The following AP5Z1 variants were observed in gnomAD, a reference collection of about 807,000 sequenced individuals.
AP5Z1 encodes the protein adaptor related protein complex 5 subunit zeta 1, also known as AP-5 complex subunit zeta-1.
AP5Z1 carries 106 observed loss-of-function variants against 83.0 expected under a neutral mutation model. The observed-to-expected ratio is 1.28, with a 90% CI of 1.09 to 1.50. The LOEUF is 1.50. Among genes scored for constraint, AP5Z1 ranks in the 40% most tolerant of loss-of-function variants. The pLI is 0.00. For synonymous variants in AP5Z1, 751 were observed against 514.1 expected, an observed-to-expected ratio of 1.46 and a Z score of -6.23; for missense variants, 1,565 against 1,094.2, an observed-to-expected ratio of 1.43 and a Z score of -6.07.
At chr7:4,777,968 G>A (rs553821216) in intron 1 of AP5Z1, among the ~76,000 whole-genome samples, 3 of 152,346 alleles carry the variant, frequency 2.0e-5, no homozygotes, top group South Asian at 4.1e-4. Context: ...CCTGTAATCC[G>A]AACACTTCGG....
Position 4,788,269 on chromosome 7 carries a change from C to CCCAAGG in AP5Z1, c.1574_1579dup (p.Lys525_Ala526dup). ...GGGTCTTTTCCAATACCTGCTGCGC[C>CCCAAGG]CCAAGGCCAGTGGCGCCACTGAGAG... On this transcript the variant is annotated inframe_insertion, in exon 12 of 17. Coordinates refer to ENST00000649063, the MANE Select transcript of AP5Z1 (RefSeq NM_014855.3). 6.3e-7 allele frequency: 1 copy of CCCAAGG among 1,591,954 alleles called. No individual in the cohort carries two copies. Among genetic ancestry groups the CCCAAGG allele is most frequent in the Non-Finnish European group, 8.5e-7 (1 of 1,170,752 alleles).
chr7:4,785,675 C>T lies in AP5Z1; in HGVS notation c.1123C>T (p.Leu375=), dbSNP rs772036224. ...RVLLPLAHFF[L]SHGEAAAVDS... is the part of the protein sequence containing the mutation. ...GCTGCTGCCCCTCGCCCACTTCTTC[C>T]TGAGCCACGGTGAGCCCAGGGTGGG... The change falls in exon 9 of 17, where the codon CTG becomes TTG. Residue 375 remains leucine (L), a synonymous_variant. Coordinates refer to ENST00000649063, the MANE Select transcript of AP5Z1 (RefSeq NM_014855.3). The T allele has an allele frequency of 2.0e-6, 3 of 1,536,412 alleles. No individual in the cohort carries two copies. In the African/African-American group the frequency reaches 4.1e-5, roughly 21 times the overall value.
chr7:4,788,257 T>C lies in AP5Z1; in HGVS notation c.1558T>C (p.Tyr520His). ...CCCGCAGTTCCAGGGTCTTTTCCAA[T>C]ACCTGCTGCGCCCCAAGGCCAGTGG... is the stretch of plus-strand genomic sequence containing the variant. Reference protein sequence around the residue: ...RDPQFQGLFQYLLRPKASGAT... With the variant: ...RDPQFQGLFQHLLRPKASGAT... The change falls in exon 12 of 17, where the codon TAC (tyrosine) becomes CAC (histidine). Residue 520 changes from tyrosine (Y) to histidine (H), a missense_variant. By Grantham distance (83) the Tyr-to-His change is moderately conservative. Transcript: ENST00000649063. 1 of 1,589,308 alleles carries C rather than the reference T, an allele frequency of 6.3e-7. No individual in the cohort carries two copies. Among genetic ancestry groups the C allele is most frequent in the South Asian group, 1.1e-5 (1 of 87,368 alleles).
At chr7:4,781,875 C>A in intron 3 of AP5Z1, 121 bp downstream of exon 3, 2 of 1,196,826 alleles carry the variant, frequency 1.7e-6, no homozygotes, top group Non-Finnish European at 2.2e-6. Flanking sequence ...CATCTCGGTG[C>A]TGAGTGCCTG....
chr7:4,785,671 C>G lies in AP5Z1; in HGVS notation c.1119C>G (p.Phe373Leu), dbSNP rs886062353. Residue 373 changes from phenylalanine (F) to leucine (L), a missense_variant, in exon 9 of 17, where the codon TTC becomes TTG. Phe to Leu is a conservative substitution (Grantham distance 22). Transcript: ENST00000649063. ...SVRVLLPLAH[F>L]FLSHGEAAAV... is the part of the protein sequence containing the mutation. ...GGGTGCTGCTGCCCCTCGCCCACTT[C>G]TTCCTGAGCCACGGTGAGCCCAGGG... The G allele has an allele frequency of 6.5e-7, 1 of 1,538,274 alleles. No homozygotes were observed. Among genetic ancestry groups the G allele is most frequent in the Non-Finnish European group, 8.8e-7 (1 of 1,141,684 alleles).
intron 1 of AP5Z1, 37 bp downstream of exon 1, chr7:4,775,793 A>T (rs1411104447): frequency 6.3e-7 from 1 of 1,597,458 alleles, no homozygotes; most frequent in Admixed American, 1.7e-5. Flanking sequence ...TCCTTCCTGC[A>T]TCTCTCCCTA....
At chr7:4,790,274 G>C (rs1363529760) in intron 14 of AP5Z1, 185 bp from the exon 15 acceptor site, 1 of 1,543,922 alleles carries the variant, frequency 6.5e-7, no homozygotes, top group Non-Finnish European at 8.7e-7. Flanking sequence ...GCCAGCGCTG[G>C]TGCCAGCCTT....
At chr7:4,785,394 G>A (rs1414606759) in intron 7 of AP5Z1, 21 bp from the exon 8 acceptor site, 1 of 1,612,270 alleles carries the variant, frequency 6.2e-7, no homozygotes, top group East Asian at 2.2e-5. Flanking sequence ...AGAGCCGGCT[G>A]ACTTTTTCCC....
chr7:4,787,857 A>G (rs537920725), intron 11 of AP5Z1, 81 bp downstream of exon 11: 1 of 1,440,574 alleles, frequency 6.9e-7, no homozygotes, highest in Non-Finnish European at 9.2e-7. Context: ...GCTGCTCCTG[A>G]CCCCTACACC....
intron 9 of AP5Z1, among the ~76,000 whole-genome samples, 190 bp from the exon 10 acceptor site, chr7:4,786,060 T>TGACTC (rs1781533556): frequency 6.6e-6 from 1 of 152,254 alleles, no homozygotes; most frequent in Non-Finnish European, 1.5e-5. Context: ...ATAGTGTGTG[T>TGACTC]GACTCACGAG....
At chr7:4,790,183 G>T in intron 14 of AP5Z1, 3 of 1,538,788 alleles carry the variant, frequency 1.9e-6, no homozygotes, top group Non-Finnish European at 2.6e-6. Context: ...CCTCTTCCCC[G>T]TCTTGTCCCC....
rs144649394 is a variant in AP5Z1, at chr7:4,778,544, C to T, written c.42-2631C>T. On this transcript the variant is annotated intron_variant, in intron 1 of 16. Coordinates refer to ENST00000649063, the MANE Select transcript of AP5Z1 (RefSeq NM_014855.3). Reference sequence around the variant, plus strand: ...GAAGGCGGGGCCGGGCTCTTGGAGGCAGCGTTGGGGTCTGTAGGAGTTTGG... The same window carrying T: ...GAAGGCGGGGCCGGGCTCTTGGAGGTAGCGTTGGGGTCTGTAGGAGTTTGG... Among the ~76,000 whole-genome samples, 483 of 151,890 alleles carry T rather than the reference C, an allele frequency of 3.2e-3. 3 individuals are homozygous for T. The highest frequency in any genetic ancestry group is 0.011 in the African/African-American group (441 of 41,428).
At chr7:4,778,469 C>G (rs1218513952) in intron 1 of AP5Z1, among the ~76,000 whole-genome samples, 1 of 152,022 alleles carries the variant, frequency 6.6e-6, no homozygotes. Flanking sequence ...GGCACAGGGT[C>G]TGTGCGAAGG....
rs894771974 is a variant in AP5Z1 at position 4,792,267 on chromosome 7, C to T, written c.*882C>T. 6.6e-6 allele frequency: 1 copy of T among 152,272 alleles called. No individual in the cohort carries two copies. The highest frequency in any genetic ancestry group is 1.5e-5 in the Non-Finnish European group (1 of 68,148). 9.4% of individuals were successfully genotyped at this position (152,272 alleles called of 1,614,324 possible). A position where few individuals can be genotyped will look rare whatever the true frequency, so the allele number is the denominator to read the frequency against. ...GCTCAGCCGCCAGGGGGCGCCGCCG[C>T]CCCGAGAGCCTCACGCCCCGCCCCC... On this transcript the variant is annotated 3_prime_UTR_variant, in exon 17 of 17. Coordinates refer to ENST00000649063, the MANE Select transcript of AP5Z1 (RefSeq NM_014855.3).
At chr7:4,789,665 C>T (rs1479165241) in intron 13 of AP5Z1, among the ~76,000 whole-genome samples, 167 bp from the exon 14 acceptor site, 5 of 152,206 alleles carry the variant, frequency 3.3e-5, no homozygotes, top group African/African-American at 9.7e-5. Context: ...CTCCCTGTGC[C>T]CGGATGCTGC....
intron 5 of AP5Z1, 133 bp from the exon 6 acceptor site, chr7:4,784,070 C>T (rs1781462294): frequency 1.7e-6 from 2 of 1,144,106 alleles, no homozygotes; most frequent in Non-Finnish European, 2.4e-6. Flanking sequence ...GTTTTTGCAT[C>T]ACACAGGGCG....
Position 4,781,263 on chromosome 7 carries a change from T to A in AP5Z1, c.130T>A (p.Ser44Thr). The A allele has an allele frequency of 1.2e-6, 2 of 1,613,760 alleles. No individual in the cohort carries two copies. The highest frequency in any genetic ancestry group is 1.7e-6 in the Non-Finnish European group (2 of 1,179,784). ...GGACTTGGGGCCGGACACCCTCGACTCCCTGCAGAGGCTCTTCCTCATCAT... is the reference window on the plus strand; with the variant it reads ...GGACTTGGGGCCGGACACCCTCGACACCCTGCAGAGGCTCTTCCTCATCAT... The part of the protein sequence containing the change: ...AEDLGPDTLD[S>T]LQRLFLIISA... The change falls in exon 2 of 17, where the codon TCC (serine) becomes ACC (threonine). Residue 44 changes from serine to threonine, a missense_variant. Transcript: ENST00000649063.
chr7:4,782,743 CTCT>C (rs1403878937), intron 3 of AP5Z1, among the ~76,000 whole-genome samples: 1 of 151,864 alleles, frequency 6.6e-6, no homozygotes, highest in Non-Finnish European at 1.5e-5. Context: ...ATGACTCCGG[CTCT>C]TCTTGTTTGT....
At position 4,785,580 on chromosome 7, in the gene AP5Z1, T is replaced by C; in HGVS notation, c.1028T>C (p.Leu343Pro). Residue 343 changes from leucine to proline, a missense_variant, in exon 9 of 17, where the codon CTG becomes CCG. By Grantham distance (98) the Leu-to-Pro change is moderately conservative. Coordinates refer to ENST00000649063, the MANE Select transcript of AP5Z1 (RefSeq NM_014855.3). ...CTGTGCCGGCAGGACCCGTCCTTCC[T>C]GTACCGAAGTCTCTCCTGCCTGAAG... ...DVLCRQDPSF[L>P]YRSLSCLKAL... 1 of 1,606,336 alleles carries C rather than the reference T, an allele frequency of 6.2e-7. No homozygotes were observed. The highest frequency in any genetic ancestry group is 1.1e-5 in the South Asian group (1 of 89,890).
Sources: allele counts gnomAD v4.1 joint callset (sites outside exome capture counted in the v4.1 genomes callset), GRCh38; gene constraint gnomAD v4.1.1; transcripts MANE v1.5; gene names NCBI Gene and HGNC (gene_info 2026-07-23, HGNC 2026-07-21).